Variants in CLPTM1 observed in about 807,000 individuals in gnomAD.
CLPTM1 encodes the protein CLPTM1 regulator of GABA type A receptor forward trafficking.
Under a neutral mutation model 77.3 loss-of-function variants are expected in CLPTM1, and 21 were observed. The observed-to-expected ratio is 0.27, with a 90% CI of 0.19 to 0.39. The LOEUF is 0.39. CLPTM1 is among the 10% of genes least tolerant of loss of function. The pLI, the probability that CLPTM1 is intolerant of heterozygous loss-of-function variation, is 1.00. For missense variants in CLPTM1, 642 were observed against 921.2 expected (o/e 0.70, Z 3.92); for synonymous variants, 373 against 381.0 (o/e 0.98, Z 0.24).
rs778256603 is a variant in CLPTM1, at chr19:44,973,121, C to T, written c.220C>T (p.Arg74Cys). ...CATCTGGGCCATCAGCAGTTGGTTC[C>T]GCCGAGGGCCGGCCCCTCAGGACCA... ...FIIWAISSWF[R>C]RGPAPQDQAG... is the part of the protein sequence containing the mutation. Residue 74 changes from arginine (R) to cysteine (C), a missense_variant, in exon 3 of 14, where the codon CGC (arginine) becomes TGC (cysteine). Around this residue, in one of 2 missense-constraint regions of CLPTM1, gnomAD observed 121 missense variants for 120.8 expected, o/e 1.00. Transcript: ENST00000337392. 9.9e-6 allele frequency: 16 copies of T among 1,613,844 alleles called. 1 individual carries two copies. The highest frequency in any genetic ancestry group is 2.2e-5 in the East Asian group (1 of 44,886).
At chr19:44,988,395 C>T (rs1466189382) in intron 9 of CLPTM1, among the ~76,000 whole-genome samples, 48 of 152,224 alleles carry the variant, frequency 3.2e-4, no homozygotes, top group Admixed American at 3.1e-3. Flanking sequence ...GGCTGGCCCG[C>T]TGGTGGGGCA....
Position 44,990,723 on chromosome 19 carries a change from C to A in CLPTM1, c.1324-127C>A. 1 of 1,328,714 alleles carries A rather than the reference C, an allele frequency of 7.5e-7. No individual in the cohort carries two copies. 82.3% of individuals were successfully genotyped at this position (1,328,714 alleles called of 1,614,324 possible). Reference sequence around the variant, plus strand: ...CCCAGGACTGAGGGGATTTTCTCACCAGGGGATTTTTTGGGTCACACATGG... The same window carrying A: ...CCCAGGACTGAGGGGATTTTCTCACAAGGGGATTTTTTGGGTCACACATGG... On this transcript the variant is annotated intron_variant, in intron 10 of 13. Transcript: ENST00000337392. This position sits in a 1 kb window ranked among gnomAD's most constrained non-coding sequence, Gnocchi z 4.8.
intron 5 of CLPTM1, among the ~76,000 whole-genome samples, chr19:44,980,523 A>AAAAAG (rs1205033795): frequency 1.7e-4 from 25 of 150,384 alleles, no homozygotes; most frequent in Non-Finnish European, 2.4e-4. Flanking sequence ...AAAAAAAAAA[A>AAAAAG]AAAAGAAAAG....
chr19:44,968,464 A>G (rs897242706), intron 2 of CLPTM1, among the ~76,000 whole-genome samples: 7 of 152,198 alleles, frequency 4.6e-5, no homozygotes, highest in African/African-American at 1.7e-4. Context: ...TGACTGTAGA[A>G]TACCTATTTG....
intron 1 of CLPTM1, among the ~76,000 whole-genome samples, chr19:44,958,391 T>A (rs1473949072): frequency 1.3e-5 from 2 of 151,802 alleles, no homozygotes; most frequent in African/African-American, 4.8e-5. Flanking sequence ...TGACTCTTTT[T>A]TTTTTTTTCT....
intron 5 of CLPTM1, among the ~76,000 whole-genome samples, chr19:44,979,807 G>C (rs1402799656): frequency 3.3e-5 from 5 of 152,074 alleles, no homozygotes; most frequent in African/African-American, 1.2e-4. Flanking sequence ...TGACCTACAG[G>C]GTTGGTCTCA....
At chr19:44,959,455 A>G (rs907451739) in intron 1 of CLPTM1, among the ~76,000 whole-genome samples, 7 of 152,038 alleles carry the variant, frequency 4.6e-5, no homozygotes, top group African/African-American at 1.7e-4. Flanking sequence ...CCAAGGCTCA[A>G]TTGATCCTCC....
intron 7 of CLPTM1, 21 bp from the exon 8 acceptor site, chr19:44,987,158 C>A: frequency 6.3e-7 from 1 of 1,598,372 alleles, no homozygotes; most frequent in Non-Finnish European, 8.5e-7. Context: ...CCAAATGGTG[C>A]CCCTGCCCCA....
At chr19:44,987,000 C>T in intron 7 of CLPTM1, 179 bp from the exon 8 acceptor site, 1 of 778,348 alleles carries the variant, frequency 1.3e-6, no homozygotes, top group Non-Finnish European at 2.0e-6. Context: ...TGCCCTTTGC[C>T]TCAGTCCCCT....
At chr19:44,954,721 C>G (rs1488617949), upstream of CLPTM1, 2 of 1,221,478 alleles carry the variant, frequency 1.6e-6, no homozygotes, top group Non-Finnish European at 2.1e-6. Flanking sequence ...ACTGAGGGAA[C>G]GCGCATGCGT....
At chr19:44,966,090 G>A (rs867055094) in intron 2 of CLPTM1, among the ~76,000 whole-genome samples, 7 of 152,118 alleles carry the variant, frequency 4.6e-5, no homozygotes, top group Middle Eastern at 3.2e-3. Flanking sequence ...CAAACAATAC[G>A]AAGAGTGAAA....
Position 44,990,829 on chromosome 19 carries a change from T to C in CLPTM1, c.1324-21T>C. 6.3e-7 allele frequency: 1 copy of C among 1,599,154 alleles called. No individual in the cohort carries two copies. Among genetic ancestry groups the C allele is most frequent in the Non-Finnish European group, 8.6e-7 (1 of 1,167,094 alleles). Reference sequence around the variant, plus strand: ...TGGGAGCCAGCGTAGCAACTGACCATGGCACCCACCTCATCCACAGCTGGA... The same window carrying C: ...TGGGAGCCAGCGTAGCAACTGACCACGGCACCCACCTCATCCACAGCTGGA... On this transcript the variant is annotated intron_variant, in intron 10 of 13. Coordinates refer to ENST00000337392, the MANE Select transcript of CLPTM1 (RefSeq NM_001294.4). This position sits in a 1 kb window ranked among gnomAD's most constrained non-coding sequence, Gnocchi z 4.8.
intron 5 of CLPTM1, among the ~76,000 whole-genome samples, chr19:44,981,178 CTTG>C (rs1054611201): frequency 2.7e-4 from 40 of 147,274 alleles, no homozygotes; most frequent in Non-Finnish European, 4.8e-4. Context: ...GAGTTTCACT[CTTG>C]TTGCCCAGGC....
At chr19:44,962,195 T>C in intron 2 of CLPTM1, 120 bp downstream of exon 2, 1 of 479,134 alleles carries the variant, frequency 2.1e-6, no homozygotes, top group South Asian at 5.0e-5. Context: ...AGTTGCTTTT[T>C]TTCTTTTTTT....
intron 5 of CLPTM1, among the ~76,000 whole-genome samples, chr19:44,979,252 T>C (rs1568386525): frequency 6.6e-6 from 1 of 152,178 alleles, no homozygotes; most frequent in East Asian, 1.9e-4. Flanking sequence ...GTGCTGGGAT[T>C]ACAGGTGTGA....
chr19:44,963,568 G>A (rs1441678901), intron 2 of CLPTM1, among the ~76,000 whole-genome samples: 1 of 151,436 alleles, frequency 6.6e-6, no homozygotes, highest in African/African-American at 2.4e-5. Flanking sequence ...CTCATGATCC[G>A]CCTGCCTTGG....
At chr19:44,967,131 G>A (rs1035246381) in intron 2 of CLPTM1, among the ~76,000 whole-genome samples, 2 of 151,410 alleles carry the variant, frequency 1.3e-5, no homozygotes, top group Non-Finnish European at 2.9e-5. Context: ...GTGAGCCACC[G>A]CGCCTATCCT....
chr19:44,974,285 A>G (rs530318245), intron 3 of CLPTM1, among the ~76,000 whole-genome samples, 154 bp from the exon 4 acceptor site: 2 of 152,204 alleles, frequency 1.3e-5, no homozygotes, highest in South Asian at 4.1e-4. Context: ...GAAAAGAGAA[A>G]ATATGTCCTC....
chr19:44,991,489 G>A lies in CLPTM1; in HGVS notation c.1555+116G>A. 2 of 1,311,044 alleles carry A rather than the reference G, an allele frequency of 1.5e-6. No individual in the cohort carries two copies. Among genetic ancestry groups the A allele is most frequent in the East Asian group, 2.4e-5 (1 of 42,174 alleles). 81.2% of individuals were successfully genotyped at this position (1,311,044 alleles called of 1,614,324 possible). ...GGGACAACCTAGGGTGGGCAGAGCT[G>A]GGATATAGGGAGGCCCGAGGGCACA... On this transcript the variant is annotated intron_variant, in intron 12 of 13. Coordinates refer to ENST00000337392, the MANE Select transcript of CLPTM1 (RefSeq NM_001294.4). This position sits in a 1 kb window ranked among gnomAD's most constrained non-coding sequence, Gnocchi z 5.4.
Sources: allele counts gnomAD v4.1 joint callset (sites outside exome capture counted in the v4.1 genomes callset), GRCh38; gene constraint gnomAD v4.1.1; regional missense constraint gnomAD v4.1.1; non-coding constraint Gnocchi (gnomAD v3.1); transcripts MANE v1.5; gene names NCBI Gene and HGNC (gene_info 2026-07-23, HGNC 2026-07-21).